The following DMD variants were observed in gnomAD, a reference collection of about 807,000 sequenced individuals.
DMD encodes the protein dystrophin.
A neutral mutation model predicts 330.1 loss-of-function variants in DMD; 63 were observed. The ratio of observed to expected loss-of-function variants is 0.19; its 90% CI spans 0.16 to 0.24. The LOEUF is 0.24. DMD is among the 10% of genes least tolerant of loss of function. DMD has a pLI of 1.00. For synonymous variants in DMD, 1,223 were observed against 959.8 expected, an observed-to-expected ratio of 1.27 and a Z score of -5.07; for missense variants, 3,344 against 2,684.1, an observed-to-expected ratio of 1.25 and a Z score of -5.43.
chrX:31,535,794 G>A, intron 55 of DMD, among the ~76,000 whole-genome samples: 1 of 111,746 alleles, frequency 8.9e-6, no homozygotes, highest in East Asian at 2.8e-4. Flanking sequence ...CAAATACTGA[G>A]GGAGATGCAG....
chrX:31,709,584 C>CTG (rs55768943), intron 52 of DMD, among the ~76,000 whole-genome samples: 20,997 of 93,742 alleles, frequency 0.22, 2,003 homozygotes, highest in East Asian at 0.44. Flanking sequence ...CTCTCTCTGT[C>CTG]TGTGTGTGTG....
chrX:32,302,329 G>A (rs144591941), intron 42 of DMD, among the ~76,000 whole-genome samples: 18 of 111,170 alleles, frequency 1.6e-4, no homozygotes, highest in Non-Finnish European at 1.9e-5. Context: ...GGTGGGTTAA[G>A]TGTATTGAAT....
chrX:31,902,554 G>A (rs1203728382), intron 47 of DMD, among the ~76,000 whole-genome samples: 4 of 111,515 alleles, frequency 3.6e-5, no homozygotes, highest in Non-Finnish European at 5.7e-5. Context: ...TGAGTAGAGC[G>A]TAGGCAAAGC....
chrX:32,445,269 T>C (rs745439383), intron 27 of DMD, among the ~76,000 whole-genome samples: 1 of 110,535 alleles, frequency 9.0e-6, no homozygotes, highest in Non-Finnish European at 1.9e-5. Flanking sequence ...TGATAATATA[T>C]AGAAGAGGGA....
chrX:32,605,313 T>C (rs1242247828), intron 12 of DMD, among the ~76,000 whole-genome samples: 2 of 110,383 alleles, frequency 1.8e-5, no homozygotes, highest in African/African-American at 6.5e-5. Context: ...GGAAAGGACA[T>C]CCTATTCAGT....
At chrX:31,270,176 T>A (rs1227413496) in intron 62 of DMD, among the ~76,000 whole-genome samples, 4 of 90,951 alleles carry the variant, frequency 4.4e-5, no homozygotes, top group Admixed American at 2.8e-4. Flanking sequence ...GGGCAAAAGT[T>A]TACCATTCCT....
At chrX:32,761,775 A>G (rs2072327247) in intron 7 of DMD, among the ~76,000 whole-genome samples, 1 of 100,468 alleles carries the variant, frequency 1.0e-5, no homozygotes, top group South Asian at 4.4e-4. Context: ...TGTAGATCAA[A>G]CAAAACATAT....
rs188902434 is a variant in DMD, at chrX:31,407,987, G to A, written c.9084+36494C>T. ...AACAGGATAAAACTGGACATAATGA[G>A]ACAAACAAACAAACAAACGCAAAGT... On this transcript the variant is annotated intron_variant, in intron 60 of 78. Coordinates refer to ENST00000357033, the MANE Select transcript of DMD (RefSeq NM_004006.3). Among the ~76,000 whole-genome samples, 700 of 111,646 alleles carry A rather than the reference G, an allele frequency of 6.3e-3. 7 individuals are homozygous for A. Among genetic ancestry groups the A allele is most frequent in the African/African-American group, 0.017 (519 of 30,704 alleles).
chrX:31,181,296 C>T (rs1295719426), intron 68 of DMD, among the ~76,000 whole-genome samples: 2 of 111,519 alleles, frequency 1.8e-5, no homozygotes, highest in South Asian at 3.8e-4. Context: ...GGAAAGCTAT[C>T]TTTTTTAGAT....
intron 63 of DMD, among the ~76,000 whole-genome samples, chrX:31,239,050 A>G (rs1014557432): frequency 5.3e-5 from 6 of 112,468 alleles, no homozygotes; most frequent in African/African-American, 1.3e-4. Context: ...CTTTCTATTT[A>G]CATGGTGCAG....
At chrX:32,039,283 G>A (rs746043551) in intron 44 of DMD, among the ~76,000 whole-genome samples, 1 of 111,459 alleles carries the variant, frequency 9.0e-6, no homozygotes, top group Admixed American at 9.6e-5. Flanking sequence ...TGAGAAGGAT[G>A]AGAAAGGAAT....
intron 44 of DMD, among the ~76,000 whole-genome samples, chrX:32,028,714 T>C (rs1268904896): frequency 4.5e-5 from 5 of 111,078 alleles, no homozygotes; most frequent in Admixed American, 3.9e-4. Flanking sequence ...AAGGAGGAAA[T>C]TGAAATTTAT....
intron 55 of DMD, among the ~76,000 whole-genome samples, chrX:31,554,026 C>T (rs1344281785): frequency 8.9e-6 from 1 of 112,183 alleles, no homozygotes. Flanking sequence ...GTTGAAATTG[C>T]CTTCGCCAAC....
chrX:31,191,094 G>A (rs1324758287), intron 67 of DMD, among the ~76,000 whole-genome samples: 1 of 112,023 alleles, frequency 8.9e-6, no homozygotes, highest in Non-Finnish European at 1.9e-5. Context: ...ACTCTATGCA[G>A]TGTATTCCAG....
chrX:31,252,837 C>A lies in DMD; in HGVS notation c.9286+8118G>T, dbSNP rs758999111. The stretch of plus-strand genomic sequence containing the variant: ...GACCATCCTGGCCAACATGGTGAAA[C>A]CCCGTCTCTACTAAAAATACAAAAA... On this transcript the variant is annotated intron_variant, in intron 63 of 78. Transcript: ENST00000357033. 2.3e-3 allele frequency among the ~76,000 whole-genome samples: 253 copies of A among 111,181 alleles called. 2 individuals are homozygous for A. Among genetic ancestry groups the A allele is most frequent in the African/African-American group, 7.8e-3 (240 of 30,612 alleles).
intron 25 of DMD, among the ~76,000 whole-genome samples, chrX:32,462,610 T>G (rs775594774): frequency 1.2e-4 from 13 of 111,389 alleles, no homozygotes; most frequent in Non-Finnish European, 2.3e-4. Context: ...GTGTGTGTTT[T>G]TTTTTGAAAT....
intron 17 of DMD, among the ~76,000 whole-genome samples, chrX:32,528,941 AGACG>A (rs1475132746): frequency 3.1e-4 from 27 of 88,361 alleles, no homozygotes; most frequent in Admixed American, 2.3e-3. Flanking sequence ...TATTTTTTTC[AGACG>A]GAGTCTCGCT....
chrX:32,057,049 C>T (rs146363661), intron 44 of DMD, among the ~76,000 whole-genome samples: 11,188 of 110,529 alleles, frequency 0.1, 523 homozygotes, highest in South Asian at 0.19. Flanking sequence ...GCAGAAAAAG[C>T]GCTTAACAAG....
chrX:32,728,999 G>A, intron 7 of DMD, among the ~76,000 whole-genome samples: 1 of 111,932 alleles, frequency 8.9e-6, no homozygotes, highest in Non-Finnish European at 1.9e-5. Context: ...GCGCAATTAT[G>A]AACAAAGAAG....
Sources: gnomAD v4.1 joint callset for allele counts (sites outside exome capture counted in the v4.1 genomes callset) on GRCh38, gnomAD v4.1.1 for gene constraint, MANE v1.5 for transcripts, NCBI Gene and HGNC (gene_info 2026-07-23, HGNC 2026-07-21) for gene names.